DACT2: variants seen among roughly 807,000 people sequenced by gnomAD.
DACT2 encodes dapper homolog 2.
In DACT2, 20 loss-of-function variants were observed where a neutral mutation model predicts 22.2. That is an observed-to-expected ratio of 0.90 (90% CI 0.63 to 1.31). The LOEUF is 1.31. Ranked by LOEUF, DACT2 falls within the 50% of genes most tolerant of loss-of-function variation. DACT2 has a pLI of 0.00. For synonymous variants in DACT2, 463 were observed against 479.8 expected (o/e 0.96, Z 0.46); for missense variants, 1,048 against 1,061.4 (o/e 0.99, Z 0.18).
intron 1 of DACT2, among the ~76,000 whole-genome samples, chr6:168,312,280 C>T (rs959997564): frequency 1.2e-4 from 18 of 151,978 alleles, no homozygotes; most frequent in African/African-American, 4.4e-4. Context: ...ACTGCAGCAT[C>T]GACCTCCCCG....
chr6:168,310,516 G>C, intron 2 of DACT2, 70 bp from the exon 3 acceptor site: 2 of 1,511,000 alleles, frequency 1.3e-6, no homozygotes, highest in Admixed American at 2.6e-5. Flanking sequence ...CTCCTCCTGA[G>C]CTTGTCACGG....
intron 1 of DACT2, among the ~76,000 whole-genome samples, chr6:168,313,758 C>A (rs1283240067): frequency 1.3e-5 from 2 of 152,152 alleles, no homozygotes; most frequent in Non-Finnish European, 2.9e-5. Context: ...AGGAGGGAAG[C>A]CCCTGCACCC....
rs150200289 is a variant in DACT2 at position 168,296,987 on chromosome 6, G to A, written c.659-2283C>T. On this transcript the variant is annotated intron_variant, in intron 3 of 5. Transcript: ENST00000366796. ...ATGAGAAAATGGGGGAAAAGGGTAT[G>A]TAGAGGTTAATTCACAAAGGAAACT... Among the ~76,000 whole-genome samples, 676 of 152,326 alleles carry A rather than the reference G, an allele frequency of 4.4e-3. 5 individuals are homozygous for A. The highest frequency in any genetic ancestry group is 0.015 in the African/African-American group (635 of 41,574).
chr6:168,314,164 T>G (rs1779491022), intron 1 of DACT2, among the ~76,000 whole-genome samples: 1 of 152,116 alleles, frequency 6.6e-6, no homozygotes, highest in South Asian at 2.1e-4. Flanking sequence ...CCCTAGAGCG[T>G]GATCTCCACG....
At chr6:168,310,718 G>T (rs1779375976) in intron 2 of DACT2, among the ~76,000 whole-genome samples, 1 of 152,172 alleles carries the variant, frequency 6.6e-6, no homozygotes, top group Admixed American at 6.5e-5. Flanking sequence ...CTGGCAAGTG[G>T]TGCCTTTAGT....
At chr6:168,305,918 G>T (rs186513110), downstream of DACT2, among the ~76,000 whole-genome samples, 1 of 152,016 alleles carries the variant, frequency 6.6e-6, no homozygotes, top group African/African-American at 2.4e-5. Context: ...GCACACAGAC[G>T]AGCTCAATGG....
intron 3 of DACT2, among the ~76,000 whole-genome samples, chr6:168,295,608 A>C (rs1778994911): frequency 6.6e-6 from 1 of 152,252 alleles, no homozygotes; most frequent in Non-Finnish European, 1.5e-5. Context: ...GGTGCATAGA[A>C]TAGAACTAGG....
At chr6:168,312,643 T>C (rs1379225953) in intron 1 of DACT2, among the ~76,000 whole-genome samples, 2 of 152,222 alleles carry the variant, frequency 1.3e-5, no homozygotes, top group Non-Finnish European at 2.9e-5. Flanking sequence ...TTCTAAAACA[T>C]TTCTTGTTTT....
intron 4 of DACT2, chr6:168,294,577 G>GTGTGTGTGTATATATATATATATATA (rs1177617130): frequency 1.4e-4 from 16 of 114,774 alleles, no homozygotes; most frequent in African/African-American, 6.9e-4. Flanking sequence ...GTGTGTGTGT[G>GTGTGTGTGTATATATATATATATATA]TATATATATA....
intron 1 of DACT2, among the ~76,000 whole-genome samples, chr6:168,315,999 A>C (rs1034973261): frequency 6.6e-6 from 1 of 152,234 alleles, no homozygotes; most frequent in African/African-American, 2.4e-5. Context: ...AAATTCAATT[A>C]TTCTTCTCTT....
At chr6:168,306,489 C>G (rs1014275045), downstream of DACT2, among the ~76,000 whole-genome samples, 6 of 151,728 alleles carry the variant, frequency 4.0e-5, no homozygotes, top group African/African-American at 9.7e-5. Flanking sequence ...GTAGCCCAAG[C>G]TGGAGTGCAG....
intron 4 of DACT2, chr6:168,294,577 G>GTGTGTGTGTGTATATATATATATA (rs1177617130): frequency 1.7e-5 from 2 of 114,784 alleles, no homozygotes; most frequent in African/African-American, 1.2e-4. Flanking sequence ...GTGTGTGTGT[G>GTGTGTGTGTGTATATATATATATA]TATATATATA....
downstream of DACT2, among the ~76,000 whole-genome samples, chr6:168,303,697 A>G (rs190916558): frequency 2.6e-5 from 4 of 152,356 alleles, no homozygotes; most frequent in Admixed American, 6.5e-5. Flanking sequence ...GGCTTTAATT[A>G]TTCTACAAGC....
chr6:168,311,320 C>A, intron 1 of DACT2, 36 bp from the exon 2 acceptor site: 1 of 1,513,702 alleles, frequency 6.6e-7, no homozygotes, highest in Non-Finnish European at 8.9e-7. Context: ...AACTGTTGTA[C>A]CTATGGAAAG....
At chr6:168,315,081 G>A (rs976250647) in intron 1 of DACT2, among the ~76,000 whole-genome samples, 1 of 152,192 alleles carries the variant, frequency 6.6e-6, no homozygotes, top group Non-Finnish European at 1.5e-5. Context: ...CAGACGCGCA[G>A]CTTGCTCCTG....
chr6:168,294,739 T>C, intron 3 of DACT2: 1 of 1,167,466 alleles, frequency 8.6e-7, no homozygotes, highest in Non-Finnish European at 1.1e-6. Context: ...GCGTGAGAGC[T>C]ACAGAACACA....
intron 3 of DACT2, among the ~76,000 whole-genome samples, chr6:168,297,780 G>C (rs1779032361): frequency 6.6e-6 from 1 of 152,358 alleles, no homozygotes; most frequent in Admixed American, 6.5e-5. Context: ...TGCTTGAAAC[G>C]GCAACGTAAG....
chr6:168,310,995 A>G (rs952461740), intron 2 of DACT2, among the ~76,000 whole-genome samples, 157 bp downstream of exon 2: 1 of 152,182 alleles, frequency 6.6e-6, no homozygotes, highest in Non-Finnish European at 1.5e-5. Context: ...TTGCCTCCTA[A>G]CTTTCAGATC....
rs1562498529 is a variant in DACT2 at position 168,311,584 on chromosome 6, C to CACACACTCACACACAAA, written c.247-301_247-300insTTTGTGTGTGAGTGTGT. 3.6e-3 allele frequency among the ~76,000 whole-genome samples: 312 copies of CACACACTCACACACAAA among 86,174 alleles called. 6 individuals carry two copies. Among genetic ancestry groups the CACACACTCACACACAAA allele is most frequent in the African/African-American group, 0.014 (289 of 19,940 alleles). The allele number at this position is 86,174 out of a possible 152,430, so 56.5% of individuals were successfully genotyped here. ...CTCACACACAAACACACACACCCATCCACACACACACATACACACACACTC... is the reference window on the plus strand; with the variant it reads ...CTCACACACAAACACACACACCCATCACACACTCACACACAAACACACACACACATACACACACACTC... On this transcript the variant is annotated intron_variant, in intron 1 of 3. Coordinates refer to ENST00000366795, the MANE Select transcript of DACT2 (RefSeq NM_214462.5).
Sources: gnomAD v4.1 joint callset for allele counts (sites outside exome capture counted in the v4.1 genomes callset) on GRCh38, gnomAD v4.1.1 for gene constraint, MANE v1.5 for transcripts, NCBI Gene and HGNC (gene_info 2026-07-23, HGNC 2026-07-21) for gene names.